RBFOX1: variants seen among roughly 807,000 people sequenced by gnomAD.
RBFOX1 encodes the protein RNA binding fox-1 homolog 1.
In RBFOX1, 8 loss-of-function variants were observed where a neutral mutation model predicts 57.7. The ratio of observed to expected loss-of-function variants is 0.14; its 90% CI spans 0.08 to 0.25. The LOEUF (loss-of-function observed/expected upper bound fraction) is 0.25. RBFOX1 is among the 10% of genes least tolerant of loss of function. The probability of loss-of-function intolerance (pLI) is 1.00; values close to 1 mark genes in which losing one functional copy is unlikely to be tolerated. For synonymous variants in RBFOX1, 326 were observed against 222.4 expected (o/e 1.47, Z -4.15); for missense variants, 611 against 548.5 (o/e 1.11, Z -1.14).
At chr16:7,248,830 T>C (rs973531729) in intron 4 of RBFOX1, among the ~76,000 whole-genome samples, 1 of 152,218 alleles carries the variant, frequency 6.6e-6, no homozygotes, top group Admixed American at 6.5e-5. Context: ...TGAGTAATCA[T>C]TTAGCTGTCA....
intron 9 of RBFOX1, among the ~76,000 whole-genome samples, chr16:7,600,263 C>T (rs1378895741): frequency 2.0e-5 from 3 of 152,154 alleles, no homozygotes; most frequent in African/African-American, 4.8e-5. Flanking sequence ...TGGATAGACA[C>T]AGTAGAATTT....
downstream of RBFOX1, chr16:5,601,538 C>A (rs1294777249): frequency 6.6e-6 from 1 of 152,194 alleles, no homozygotes; most frequent in East Asian, 1.9e-4. Flanking sequence ...GCATACCATA[C>A]AAGGGCACGA....
chr16:7,578,084 G>A (rs1451531696), intron 5 of RBFOX1, among the ~76,000 whole-genome samples: 3 of 152,150 alleles, frequency 2.0e-5, no homozygotes, highest in Admixed American at 2.0e-4. Flanking sequence ...TTTCCTTCGT[G>A]TTTCTCAAAG....
intron 5 of RBFOX1, among the ~76,000 whole-genome samples, chr16:7,551,511 C>T (rs1347530106): frequency 6.6e-6 from 1 of 152,148 alleles, no homozygotes; most frequent in Non-Finnish European, 1.5e-5. Flanking sequence ...CAGCCAATAG[C>T]TCTGTGCTAC....
chr16:7,073,752 A>G lies in RBFOX1; in HGVS notation c.27+21654A>G, dbSNP rs115785280. 1.4e-3 allele frequency among the ~76,000 whole-genome samples: 213 copies of G among 152,254 alleles called. 2 individuals are homozygous for G. The highest frequency in any genetic ancestry group is 4.7e-3 in the African/African-American group (196 of 41,556). ...GTGGCACATGCCCTTGGTACCAGTTACTCAGGGGGCTGAGGCAGGAGGATT... is the reference window on the plus strand; with the variant it reads ...GTGGCACATGCCCTTGGTACCAGTTGCTCAGGGGGCTGAGGCAGGAGGATT... On this transcript the variant is annotated intron_variant, in intron 4 of 15. Transcript: ENST00000550418.
chr16:5,773,872 A>G (rs2054059178), intron 3 of RBFOX1, among the ~76,000 whole-genome samples: 1 of 151,854 alleles, frequency 6.6e-6, no homozygotes, highest in Non-Finnish European at 1.5e-5. Context: ...TAATTTTTGT[A>G]TTTTTAGGAG....
chr16:5,992,713 C>A (rs1167969877), intron 4 of RBFOX1, among the ~76,000 whole-genome samples: 1 of 152,182 alleles, frequency 6.6e-6, no homozygotes, highest in African/African-American at 2.4e-5. Context: ...GTGGGTGGAT[C>A]ACCTGAGGTC....
chr16:6,953,707 C>G (rs983931068), intron 3 of RBFOX1, among the ~76,000 whole-genome samples: 2 of 152,152 alleles, frequency 1.3e-5, no homozygotes, highest in African/African-American at 2.4e-5. Flanking sequence ...ACGATATTTA[C>G]ACATACATAC....
intron 2 of RBFOX1, among the ~76,000 whole-genome samples, chr16:6,542,483 C>CTTGTTTTTTTTTTT (rs2096834996): frequency 1.8e-5 from 1 of 55,720 alleles, no homozygotes; most frequent in Non-Finnish European, 3.0e-5. Flanking sequence ...GGACCATAGT[C>CTTGTTTTTTTTTTT]TTTTTTTTTT....
chr16:5,672,195 C>CTAA (rs1010000642), intron 3 of RBFOX1, among the ~76,000 whole-genome samples: 2 of 152,122 alleles, frequency 1.3e-5, no homozygotes, highest in African/African-American at 4.8e-5. Context: ...CCTCAGTACC[C>CTAA]TAATGTATTA....
intron 4 of RBFOX1, among the ~76,000 whole-genome samples, chr16:7,471,437 A>T (rs1256489866): frequency 2.0e-5 from 3 of 152,108 alleles, no homozygotes; most frequent in South Asian, 4.1e-4. Context: ...GCACCACCTG[A>T]TGTTACCATG....
chr16:6,273,110 A>T (rs2075386536), intron 1 of RBFOX1, among the ~76,000 whole-genome samples: 2 of 151,800 alleles, frequency 1.3e-5, no homozygotes, highest in Admixed American at 1.3e-4. Flanking sequence ...AAATACAAAA[A>T]TTAGCCAGGC....
chr16:6,566,209 C>CA (rs1250046706), intron 2 of RBFOX1, among the ~76,000 whole-genome samples: 9 of 152,170 alleles, frequency 5.9e-5, no homozygotes, highest in Non-Finnish European at 8.8e-5. Context: ...GAAGGAGAAA[C>CA]ATAATTTTTT....
At chr16:6,080,448 C>A (rs919031223) in intron 1 of RBFOX1, among the ~76,000 whole-genome samples, 2 of 152,176 alleles carry the variant, frequency 1.3e-5, no homozygotes, top group Non-Finnish European at 2.9e-5. Flanking sequence ...CAAGCATTGG[C>A]CTGTGTGCTC....
chr16:6,760,657 G>A (rs2154198544), intron 3 of RBFOX1, among the ~76,000 whole-genome samples: 2 of 152,308 alleles, frequency 1.3e-5, no homozygotes, highest in South Asian at 4.1e-4. Context: ...ATATACTGGA[G>A]CAGAGAGATC....
At chr16:6,175,272 G>A (rs530324605) in intron 1 of RBFOX1, among the ~76,000 whole-genome samples, 3 of 152,144 alleles carry the variant, frequency 2.0e-5, no homozygotes, top group African/African-American at 4.8e-5. Flanking sequence ...AACATTTTCC[G>A]TAATACGTCC....
chr16:6,849,493 C>A (rs2093950617), intron 3 of RBFOX1, among the ~76,000 whole-genome samples: 1 of 152,078 alleles, frequency 6.6e-6, no homozygotes, highest in Non-Finnish European at 1.5e-5. Context: ...TATGGCAAAA[C>A]CCTATCTCTA....
intron 3 of RBFOX1, among the ~76,000 whole-genome samples, chr16:5,749,003 T>A (rs2151613179): frequency 6.6e-6 from 1 of 152,354 alleles, no homozygotes; most frequent in South Asian, 2.1e-4. Flanking sequence ...TTGCAGTGGC[T>A]GGTATCGGTT....
At chr16:5,536,780 TG>T (rs2044716087) in intron 2 of RBFOX1, among the ~76,000 whole-genome samples, 1 of 143,628 alleles carries the variant, frequency 7.0e-6, no homozygotes, top group South Asian at 2.3e-4. Context: ...TTGTAATATG[TG>T]GGGGAAAACA....
Sources: gnomAD v4.1 joint callset for allele counts (sites outside exome capture counted in the v4.1 genomes callset) on GRCh38, gnomAD v4.1.1 for gene constraint, MANE v1.5 for transcripts, NCBI Gene and HGNC (gene_info 2026-07-23, HGNC 2026-07-21) for gene names.